The following ERI1 variants were observed in gnomAD, a reference collection of about 807,000 sequenced individuals.
ERI1 encodes the protein exoribonuclease 1.
Under a neutral mutation model 39.7 loss-of-function variants are expected in ERI1, and 39 were observed. The observed-to-expected ratio is 0.98, with a 90% CI of 0.76 to 1.28. ERI1 has a LOEUF of 1.28. Ranked by LOEUF, ERI1 falls within the 50% of genes most tolerant of loss-of-function variation. ERI1 has a pLI of 0.00. For missense variants in ERI1, 581 were observed against 416.9 expected (o/e 1.39, Z -3.43); for synonymous variants, 204 against 149.6 (o/e 1.36, Z -2.65).
rs1164837213 is a variant in ERI1, at chr8:9,082,702, A to G, written n.300-33646A>G. Reference sequence around the variant, plus strand: ...AGGCAAATGGATTCTCTCCTTCCCCATTTCCCTTCAGGGGCCAGAAGGTCG... The same window carrying G: ...AGGCAAATGGATTCTCTCCTTCCCCGTTTCCCTTCAGGGGCCAGAAGGTCG... On this transcript the variant is annotated intron_variant and non_coding_transcript_variant, in intron 3 of 3. Transcript: ENST00000518663. Among the ~76,000 whole-genome samples the G allele has an allele frequency of 8.5e-5, 13 of 152,082 alleles. No homozygotes were observed. In the East Asian group the frequency reaches 2.5e-3, roughly 29 times the overall value.
rs572781793 is a variant in ERI1, at chr8:9,071,962, A to C, written n.300-44386A>C. 2.0e-5 allele frequency among the ~76,000 whole-genome samples: 3 copies of C among 152,272 alleles called. No homozygotes were observed. The East Asian group carries it at 5.8e-4, about 29-fold the overall frequency. Reference sequence around the variant, plus strand: ...GTGCCTGTAGTCCCGCCTATTTGGGAGGCTGAGGTGGGAGAATCATTTGAA... The same window carrying C: ...GTGCCTGTAGTCCCGCCTATTTGGGCGGCTGAGGTGGGAGAATCATTTGAA... On this transcript the variant is annotated intron_variant and non_coding_transcript_variant, in intron 3 of 3. Transcript: ENST00000518663.
intron 3 of ERI1, among the ~76,000 whole-genome samples, chr8:9,095,195 CTT>C (rs1256988936): frequency 6.6e-6 from 1 of 152,116 alleles, no homozygotes; most frequent in African/African-American, 2.4e-5. Context: ...TTTGAAAACA[CTT>C]TTAAATTTTA....
At chr8:9,029,486 G>A (rs182355448) in intron 6 of ERI1, among the ~76,000 whole-genome samples, 8 of 152,092 alleles carry the variant, frequency 5.3e-5, no homozygotes, top group East Asian at 3.9e-4. Flanking sequence ...GCACCACCAC[G>A]CCTGGCTAAT....
In ERI1 at chr8:9,095,482, TTTG is replaced by T. The variant is rs555655226; in HGVS notation, n.300-20854_300-20852del. Among the ~76,000 whole-genome samples the T allele has an allele frequency of 2.7e-3, 360 of 132,724 alleles. 2 individuals carry two copies. The highest frequency in any genetic ancestry group is 8.0e-3 in the African/African-American group (291 of 36,550). 87.1% of individuals were successfully genotyped at this position (132,724 alleles called of 152,430 possible). A position where few individuals can be genotyped will look rare whatever the true frequency, so the allele number is the denominator to read the frequency against. ...ATGCCCAAATCCATGGGACAGGTCT[TTTG>T]TTGTTGTTGTTTGTTTGTTTGTTTG... On this transcript the variant is annotated intron_variant and non_coding_transcript_variant, in intron 3 of 3. Transcript: ENST00000518663.
chr8:9,046,608 T>G (rs1798182232), intron 3 of ERI1, among the ~76,000 whole-genome samples: 1 of 152,228 alleles, frequency 6.6e-6, no homozygotes, highest in Admixed American at 6.5e-5. Context: ...ACTTTAAACA[T>G]GCTAGGTATG....
chr8:9,003,008 A>G lies in ERI1; in HGVS notation c.-56A>G. On this transcript the variant is annotated 5_prime_UTR_variant, in exon 1 of 7. Transcript: ENST00000250263. ...AAGGCGAGGCTTTCGGGCTCTGCAG[A>G]GTGAGAGTTAGCAAGTGTCCGGCTC... 6 of 1,108,906 alleles carry G rather than the reference A, an allele frequency of 5.4e-6. No homozygotes were observed. Among genetic ancestry groups the G allele is most frequent in the Non-Finnish European group, 6.9e-6 (6 of 864,884 alleles). The allele number at this position is 1,108,906 out of a possible 1,614,324, so 68.7% of individuals were successfully genotyped here. A position where few individuals can be genotyped will look rare whatever the true frequency, so the allele number is the denominator to read the frequency against.
chr8:9,055,940 A>G (rs985089520), intron 3 of ERI1, among the ~76,000 whole-genome samples: 1 of 152,192 alleles, frequency 6.6e-6, no homozygotes, highest in Non-Finnish European at 1.5e-5. Context: ...GGCTTGCCTC[A>G]GGGAAAAATG....
At chr8:9,019,256 C>A (rs1277805189) in intron 5 of ERI1, among the ~76,000 whole-genome samples, 1 of 152,204 alleles carries the variant, frequency 6.6e-6, no homozygotes, top group African/African-American at 2.4e-5. Flanking sequence ...TAAACAACTT[C>A]TGTTTCAAAC....
At chr8:9,045,242 A>G (rs1188303311) in intron 3 of ERI1, among the ~76,000 whole-genome samples, 2 of 151,130 alleles carry the variant, frequency 1.3e-5, no homozygotes, top group African/African-American at 4.9e-5. Flanking sequence ...TCTCAAAAAA[A>G]AAAAAAAAAA....
intron 1 of ERI1, among the ~76,000 whole-genome samples, chr8:9,004,590 A>G (rs1815767561): frequency 6.9e-6 from 1 of 145,460 alleles, no homozygotes; most frequent in South Asian, 2.2e-4. Flanking sequence ...ACCTGAGCCC[A>G]TGGGTGGAGG....
chr8:9,077,805 C>T lies in ERI1; in HGVS notation n.300-38543C>T, dbSNP rs118041553. Reference sequence around the variant, plus strand: ...GAGGACTAGAGAAAGCTCTTCTCTGCGTTTGCCCCTCCGCAGGTACTCTCT... The same window carrying T: ...GAGGACTAGAGAAAGCTCTTCTCTGTGTTTGCCCCTCCGCAGGTACTCTCT... On this transcript the variant is annotated intron_variant and non_coding_transcript_variant, in intron 3 of 3. Transcript: ENST00000518663. Among the ~76,000 whole-genome samples, 174 of 152,264 alleles carry T rather than the reference C, an allele frequency of 1.1e-3. 1 individual carries two copies. The East Asian group carries it at 0.032, about 28-fold the overall frequency.
At chr8:9,008,283 A>C (rs1816261605) in intron 2 of ERI1, 135 bp downstream of exon 2, 3 of 787,060 alleles carry the variant, frequency 3.8e-6, no homozygotes, top group Non-Finnish European at 5.6e-6. Flanking sequence ...CACAAAAACT[A>C]ATTAACATTT....
intron 3 of ERI1, among the ~76,000 whole-genome samples, chr8:9,066,104 G>A (rs768759000): frequency 2.4e-4 from 37 of 152,224 alleles, no homozygotes; most frequent in Non-Finnish European, 4.9e-4. Flanking sequence ...TGCCACCAGG[G>A]GCTCTAGCTT....
intron 6 of ERI1, among the ~76,000 whole-genome samples, chr8:9,023,955 C>G (rs543221982): frequency 6.6e-6 from 1 of 151,950 alleles, no homozygotes; most frequent in East Asian, 1.9e-4. Flanking sequence ...TGTGCCACCA[C>G]GTCTGGCTGA....
At chr8:9,040,450 G>A (rs1409631174) in intron 3 of ERI1, among the ~76,000 whole-genome samples, 2 of 152,230 alleles carry the variant, frequency 1.3e-5, no homozygotes, top group Non-Finnish European at 2.9e-5. Context: ...AGTGAGCTGG[G>A]AAGGTGAGTG....
intron 3 of ERI1, among the ~76,000 whole-genome samples, chr8:9,044,405 C>T (rs140576183): frequency 1.7e-3 from 261 of 152,212 alleles, no homozygotes; most frequent in African/African-American, 6.0e-3. Flanking sequence ...AGAAGGGAAG[C>T]CAGCGACCAG....
intron 2 of ERI1, among the ~76,000 whole-genome samples, chr8:9,011,212 A>T (rs888433182): frequency 6.6e-6 from 1 of 152,192 alleles, no homozygotes; most frequent in Non-Finnish European, 1.5e-5. Flanking sequence ...TTATCTTAGT[A>T]TATAAGGCAG....
At chr8:9,045,035 A>G (rs780163294) in intron 3 of ERI1, among the ~76,000 whole-genome samples, 14 of 151,950 alleles carry the variant, frequency 9.2e-5, no homozygotes, top group Non-Finnish European at 1.8e-4. Flanking sequence ...CAGGAGATCG[A>G]GACCATCCTG....
intron 3 of ERI1, among the ~76,000 whole-genome samples, chr8:9,089,655 G>A (rs1255603379): frequency 6.6e-6 from 1 of 152,148 alleles, no homozygotes. Context: ...CCTGCCCGGA[G>A]CCCACAGATT....
Sources: allele counts gnomAD v4.1 joint callset (sites outside exome capture counted in the v4.1 genomes callset), GRCh38; gene constraint gnomAD v4.1.1; transcripts MANE v1.5; gene names NCBI Gene and HGNC (gene_info 2026-07-23, HGNC 2026-07-21).